MEIKIN: variants seen among roughly 807,000 people sequenced by gnomAD.
MEIKIN encodes meiosis-specific kinetochore protein.
At chr5:131,872,530 C>G (rs1196539174) in intron 9 of MEIKIN, among the ~76,000 whole-genome samples, 2 of 152,180 alleles carry the variant, frequency 1.3e-5, no homozygotes, top group African/African-American at 4.8e-5. Flanking sequence ...GATTGGTGTA[C>G]CTGAAAGTGA....
Position 131,929,467 on chromosome 5 carries a change from A to T in MEIKIN, c.478+4046T>A, listed in dbSNP as rs1333202138. On this transcript the variant is annotated intron_variant, in intron 5 of 12. Coordinates refer to ENST00000442687, the MANE Select transcript of MEIKIN (RefSeq NM_001303622.2). The stretch of plus-strand genomic sequence containing the variant: ...GATAGTGGCTCACAAGTCTCTTAGG[A>T]TTTCTTCAATCTTTTCATTCTTTTT... Among the ~76,000 whole-genome samples the T allele has an allele frequency of 2.0e-5, 3 of 152,138 alleles. No homozygotes were observed. The East Asian group carries it at 5.8e-4, about 29-fold the overall frequency.
intron 11 of MEIKIN, among the ~76,000 whole-genome samples, chr5:131,834,127 T>C (rs1749759490): frequency 6.6e-6 from 1 of 152,126 alleles, no homozygotes; most frequent in African/African-American, 2.4e-5. Flanking sequence ...TGACTGCAAA[T>C]ATTTTGGTTT....
chr5:131,875,918 G>T (rs553641957), intron 9 of MEIKIN, among the ~76,000 whole-genome samples: 1 of 152,152 alleles, frequency 6.6e-6, no homozygotes, highest in Non-Finnish European at 1.5e-5. Context: ...TTAATAAATG[G>T]TGCTGGGAAA....
chr5:131,810,252 G>T (rs1030020139), intron 12 of MEIKIN, among the ~76,000 whole-genome samples: 1 of 152,030 alleles, frequency 6.6e-6, no homozygotes, highest in East Asian at 1.9e-4. Context: ...GTTAAAGGCC[G>T]TGATTCTACA....
intron 8 of MEIKIN, among the ~76,000 whole-genome samples, chr5:131,894,883 C>T (rs1184140783): frequency 6.6e-6 from 1 of 152,124 alleles, no homozygotes; most frequent in Admixed American, 6.6e-5. Flanking sequence ...GAACTGAATA[C>T]CCTTTATTTC....
intron 9 of MEIKIN, among the ~76,000 whole-genome samples, chr5:131,868,379 C>A (rs1167827236): frequency 6.6e-6 from 1 of 152,202 alleles, no homozygotes; most frequent in Non-Finnish European, 1.5e-5. Flanking sequence ...CCACAGCACC[C>A]AGCCACTCAT....
chr5:131,927,767 T>C (rs983090322), intron 5 of MEIKIN, among the ~76,000 whole-genome samples: 1 of 152,338 alleles, frequency 6.6e-6, no homozygotes, highest in African/African-American at 2.4e-5. Context: ...CTGACATAAA[T>C]ATAGCCACCC....
chr5:131,868,454 T>G (rs1449025570), intron 9 of MEIKIN, among the ~76,000 whole-genome samples: 2 of 152,200 alleles, frequency 1.3e-5, no homozygotes, highest in Non-Finnish European at 2.9e-5. Flanking sequence ...TTTCATAAAC[T>G]ATTGCCTTTT....
At chr5:131,844,272 A>T (rs934836464) in intron 11 of MEIKIN, among the ~76,000 whole-genome samples, 1 of 152,188 alleles carries the variant, frequency 6.6e-6, no homozygotes, top group Admixed American at 6.5e-5. Flanking sequence ...ATCATTCCAG[A>T]CTTACCCTTT....
intron 8 of MEIKIN, among the ~76,000 whole-genome samples, chr5:131,883,779 T>A (rs1750734155): frequency 6.6e-6 from 1 of 152,142 alleles, no homozygotes; most frequent in African/African-American, 2.4e-5. Flanking sequence ...AGAAAGACAG[T>A]CTTGAATCAC....
chr5:131,837,465 G>A (rs976005125), intron 11 of MEIKIN, among the ~76,000 whole-genome samples: 1 of 152,062 alleles, frequency 6.6e-6, no homozygotes, highest in African/African-American at 2.4e-5. Context: ...CCATGTTAAC[G>A]ATGTTGATTC....
At chr5:131,876,535 TA>T (rs1165566210) in intron 9 of MEIKIN, among the ~76,000 whole-genome samples, 1 of 144,556 alleles carries the variant, frequency 6.9e-6, no homozygotes, top group Non-Finnish European at 1.5e-5. Flanking sequence ...GGAACACTTT[TA>T]CACTGTTGGT....
intron 7 of MEIKIN, among the ~76,000 whole-genome samples, chr5:131,912,793 T>C (rs528630597): frequency 6.6e-6 from 1 of 152,310 alleles, no homozygotes; most frequent in Non-Finnish European, 1.5e-5. Flanking sequence ...CAGTGTAATA[T>C]TACAAATCCA....
chr5:131,826,124 G>A (rs538163228), intron 11 of MEIKIN, among the ~76,000 whole-genome samples: 48 of 130,876 alleles, frequency 3.7e-4, no homozygotes, highest in African/African-American at 1.3e-3. Flanking sequence ...ATGGGATCTC[G>A]CTATATTGCT....
At chr5:131,824,188 C>A (rs937076476) in intron 11 of MEIKIN, among the ~76,000 whole-genome samples, 1 of 152,070 alleles carries the variant, frequency 6.6e-6, no homozygotes, top group Non-Finnish European at 1.5e-5. Context: ...GCCCCAGGCT[C>A]TCAAGGATGA....
chr5:131,875,382 C>A (rs1231715200), intron 9 of MEIKIN, among the ~76,000 whole-genome samples: 1 of 152,108 alleles, frequency 6.6e-6, no homozygotes, highest in Non-Finnish European at 1.5e-5. Flanking sequence ...CATGAGTGAA[C>A]TCCCATTCAC....
chr5:131,924,142 T>G (rs1209119864), intron 5 of MEIKIN, among the ~76,000 whole-genome samples: 1 of 152,088 alleles, frequency 6.6e-6, no homozygotes, highest in African/African-American at 2.4e-5. Context: ...TCATCCATGT[T>G]GTCACAAATT....
intron 8 of MEIKIN, among the ~76,000 whole-genome samples, chr5:131,891,366 G>C (rs1478268066): frequency 1.2e-4 from 18 of 152,140 alleles, no homozygotes; most frequent in Admixed American, 1.1e-3. Flanking sequence ...CTCTTTGTAG[G>C]TCACTAAGGA....
intron 8 of MEIKIN, among the ~76,000 whole-genome samples, chr5:131,888,947 G>A (rs1349973269): frequency 6.6e-6 from 1 of 152,116 alleles, no homozygotes; most frequent in Non-Finnish European, 1.5e-5. Flanking sequence ...AGTTTTCCCA[G>A]CACCATTTAT....
Sources: allele counts gnomAD v4.1 joint callset (sites outside exome capture counted in the v4.1 genomes callset), GRCh38; gene constraint gnomAD v4.1.1; transcripts MANE v1.5; gene names NCBI Gene and HGNC (gene_info 2026-07-23, HGNC 2026-07-21).